The following TTC28 variants were observed in gnomAD, a reference collection of about 807,000 sequenced individuals.
TTC28 encodes the protein tetratricopeptide repeat protein 28.
TTC28 carries 61 observed loss-of-function variants against 198.0 expected under a neutral mutation model. That is an observed-to-expected ratio of 0.31 (90% CI 0.25 to 0.38). TTC28 has a LOEUF of 0.38. Among genes scored for constraint, TTC28 ranks in the 10% least tolerant of loss-of-function variants. The probability of loss-of-function intolerance (pLI) is 1.00; values close to 1 mark genes in which losing one functional copy is unlikely to be tolerated. For synonymous variants in TTC28, 1,171 were observed against 1,297.8 expected (o/e 0.90, Z 2.10); for missense variants, 2,678 against 3,164.0 (o/e 0.85, Z 3.69).
chr22:28,007,792 A>C (rs1199195646), intron 14 of TTC28: 2 of 152,240 alleles, frequency 1.3e-5, no homozygotes, highest in Non-Finnish European at 2.9e-5. Context: ...CATCCAGGTG[A>C]GAATGCCACT....
At chr22:28,553,032 G>C (rs535088557) in intron 2 of TTC28, among the ~76,000 whole-genome samples, 2 of 152,082 alleles carry the variant, frequency 1.3e-5, no homozygotes, top group African/African-American at 4.8e-5. Flanking sequence ...CGAGTGATCC[G>C]CCAGCCTCGG....
At chr22:28,034,578 C>T (rs1939259053) in intron 12 of TTC28, among the ~76,000 whole-genome samples, 1 of 152,220 alleles carries the variant, frequency 6.6e-6, no homozygotes, top group African/African-American at 2.4e-5. Flanking sequence ...CCTAACTTGG[C>T]ACTTGCCCAT....
At chr22:28,009,255 ATAT>A (rs1322981632) in intron 14 of TTC28, among the ~76,000 whole-genome samples, 2 of 152,218 alleles carry the variant, frequency 1.3e-5, no homozygotes, top group Non-Finnish European at 2.9e-5. Context: ...CTATGGTAAA[ATAT>A]TATTCTGTTC....
chr22:28,073,346 T>C (rs954493978), intron 12 of TTC28, among the ~76,000 whole-genome samples: 7 of 152,164 alleles, frequency 4.6e-5, no homozygotes, highest in African/African-American at 1.7e-4. Flanking sequence ...CAGGGACATA[T>C]ATCTGTGTCC....
intron 2 of TTC28, among the ~76,000 whole-genome samples, chr22:28,349,425 C>T (rs1473121785): frequency 1.3e-5 from 2 of 152,172 alleles, no homozygotes; most frequent in African/African-American, 4.8e-5. Flanking sequence ...CAGATGGGAA[C>T]ATAATCCATG....
chr22:28,267,467 A>C (rs1163742728), intron 5 of TTC28, among the ~76,000 whole-genome samples: 3 of 152,214 alleles, frequency 2.0e-5, no homozygotes, highest in Non-Finnish European at 2.9e-5. Flanking sequence ...GAACAAGACA[A>C]GCCTAGTATC....
intron 5 of TTC28, among the ~76,000 whole-genome samples, chr22:28,221,668 A>C (rs1402742154): frequency 6.6e-6 from 1 of 152,152 alleles, no homozygotes; most frequent in African/African-American, 2.4e-5. Flanking sequence ...CAGGGCACGG[A>C]CTTGCATGCT....
chr22:28,345,436 T>G (rs1375866481), intron 2 of TTC28, among the ~76,000 whole-genome samples: 1 of 152,140 alleles, frequency 6.6e-6, no homozygotes, highest in African/African-American at 2.4e-5. Context: ...AAGCCCTCCT[T>G]TTTTCCCATT....
chr22:28,045,949 G>A (rs1166108006), intron 12 of TTC28, among the ~76,000 whole-genome samples: 3 of 152,168 alleles, frequency 2.0e-5, no homozygotes, highest in African/African-American at 4.8e-5. Flanking sequence ...CAGCCTGGGC[G>A]ACAGAGCAAG....
rs368485611 is a variant in TTC28, at chr22:28,014,754, T to C, written c.4074-362A>G. Reference sequence around the variant, plus strand: ...TAGGAATCAGCGACAGCCACCAAGCTGATGAGGACAGTGCCCCAATGCCAA... The same window carrying C: ...TAGGAATCAGCGACAGCCACCAAGCCGATGAGGACAGTGCCCCAATGCCAA... On this transcript the variant is annotated intron_variant, in intron 13 of 22. Coordinates refer to ENST00000397906, the MANE Select transcript of TTC28 (RefSeq NM_001145418.2). 6.6e-5 allele frequency among the ~76,000 whole-genome samples: 10 copies of C among 152,308 alleles called. No individual in the cohort carries two copies. The East Asian group carries it at 1.7e-3, about 26-fold the overall frequency.
chr22:28,369,758 C>CT (rs1202852450), intron 2 of TTC28, among the ~76,000 whole-genome samples: 1 of 152,112 alleles, frequency 6.6e-6, no homozygotes, highest in African/African-American at 2.4e-5. Flanking sequence ...ATAGAACTCC[C>CT]TTTTTTTAAA....
chr22:28,013,357 C>T (rs1938231797), intron 14 of TTC28, among the ~76,000 whole-genome samples: 3 of 152,196 alleles, frequency 2.0e-5, no homozygotes, highest in Admixed American at 2.0e-4. Flanking sequence ...ATCTGATGGG[C>T]TCACCGTTGG....
At chr22:28,334,633 G>C (rs562583600) in intron 2 of TTC28, among the ~76,000 whole-genome samples, 13 of 152,198 alleles carry the variant, frequency 8.5e-5, no homozygotes, top group Admixed American at 8.5e-4. Context: ...TGTGTCTTTT[G>C]GCTGCATAAA....
chr22:28,015,880 G>A (rs1220813947), intron 13 of TTC28, among the ~76,000 whole-genome samples: 1 of 151,740 alleles, frequency 6.6e-6, no homozygotes, highest in Non-Finnish European at 1.5e-5. Context: ...ACAGCAACTA[G>A]ATTGTTGCCG....
At chr22:28,547,007 G>A (rs922483233) in intron 2 of TTC28, among the ~76,000 whole-genome samples, 1 of 152,128 alleles carries the variant, frequency 6.6e-6, no homozygotes, top group African/African-American at 2.4e-5. Flanking sequence ...AGGGCAAAGG[G>A]AACTTTCTGG....
chr22:28,573,807 T>C (rs994654040), intron 2 of TTC28, among the ~76,000 whole-genome samples: 1 of 152,124 alleles, frequency 6.6e-6, no homozygotes, highest in Admixed American at 6.6e-5. Context: ...TTTATTTAAT[T>C]ATATTTGTGT....
intron 13 of TTC28, among the ~76,000 whole-genome samples, chr22:28,021,640 G>A (rs759162005): frequency 6.6e-6 from 1 of 152,166 alleles, no homozygotes; most frequent in African/African-American, 2.4e-5. Context: ...GTGTACATGT[G>A]TGCTCACATG....
At chr22:28,093,195 A>C (rs1941864449) in intron 12 of TTC28, among the ~76,000 whole-genome samples, 1 of 152,216 alleles carries the variant, frequency 6.6e-6, no homozygotes, top group Non-Finnish European at 1.5e-5. Context: ...CCAACTTAAT[A>C]AGCACCCCAA....
At chr22:28,310,175 A>ACAC (rs66509137) in intron 2 of TTC28, among the ~76,000 whole-genome samples, 7,990 of 123,586 alleles carry the variant, frequency 0.065, 274 homozygotes, top group African/African-American at 0.08. Flanking sequence ...CACACACACA[A>ACAC]AAAACAAGAC....
Sources: allele counts gnomAD v4.1 joint callset (sites outside exome capture counted in the v4.1 genomes callset), GRCh38; gene constraint gnomAD v4.1.1; transcripts MANE v1.5; gene names NCBI Gene and HGNC (gene_info 2026-07-23, HGNC 2026-07-21).